Variants in LRBA observed in about 807,000 individuals in gnomAD.
LRBA encodes the protein LPS responsive beige-like anchor protein.
LRBA carries 176 observed loss-of-function variants against 330.0 expected under a neutral mutation model. The ratio of observed to expected loss-of-function variants is 0.53; its 90% CI spans 0.47 to 0.60. The LOEUF is 0.60. LRBA is among the 20% of genes least tolerant of loss of function. LRBA has a pLI of 0.00. For synonymous variants in LRBA, 1,230 were observed against 1,193.0 expected (o/e 1.03, Z -0.64); for missense variants, 3,259 against 3,444.8 (o/e 0.95, Z 1.35).
intron 4 of LRBA, among the ~76,000 whole-genome samples, chr4:150,922,607 G>A (rs1434025357): frequency 6.6e-6 from 1 of 151,824 alleles, no homozygotes; most frequent in Non-Finnish European, 1.5e-5. Flanking sequence ...TGGACTTTGG[G>A]GACTTGGGGT....
At chr4:150,434,172 T>C (rs1333301534) in intron 46 of LRBA, among the ~76,000 whole-genome samples, 2 of 152,176 alleles carry the variant, frequency 1.3e-5, no homozygotes, top group Non-Finnish European at 2.9e-5. Flanking sequence ...ATATATGTCA[T>C]ATTTCTCTAT....
intron 17 of LRBA, among the ~76,000 whole-genome samples, chr4:150,879,326 C>A (rs749302109): frequency 2.0e-5 from 3 of 152,114 alleles, no homozygotes; most frequent in Non-Finnish European, 2.9e-5. Context: ...ATCTCTTCAT[C>A]ATAAAAATCC....
chr4:150,417,436 C>T (rs1344990535), intron 46 of LRBA, among the ~76,000 whole-genome samples: 1 of 152,088 alleles, frequency 6.6e-6, no homozygotes, highest in Non-Finnish European at 1.5e-5. Flanking sequence ...ATTCCCAGGC[C>T]TTGTTTCACA....
At chr4:150,458,134 T>G (rs1256660353) in intron 44 of LRBA, among the ~76,000 whole-genome samples, 1 of 151,888 alleles carries the variant, frequency 6.6e-6, no homozygotes, top group East Asian at 1.9e-4. Context: ...ATTCAAAAAC[T>G]TCTATTAGAA....
Position 150,415,562 on chromosome 4 carries a change from G to T in LRBA, c.7070C>A (p.Pro2357His). The change falls in exon 47 of 57, where the codon CCT becomes CAT. Residue 2357 changes from proline to histidine, a missense_variant. Physicochemically the swap from Pro to His is moderately conservative, Grantham distance 77 (BLOSUM62 -2). Transcript: ENST00000651943. Reference sequence around the variant, plus strand: ...ATTATTGAAGTTGACAAACATCTCAGGGAGATAATAAAATTCAGGGATCAA... The same window carrying T: ...ATTATTGAAGTTGACAAACATCTCATGGAGATAATAAAATTCAGGGATCAA... ...KELIPEFYYLPEMFVNFNNYN... is the reference protein window; with the variant it reads ...KELIPEFYYLHEMFVNFNNYN... 1 of 1,586,960 alleles carries T rather than the reference G, an allele frequency of 6.3e-7. No individual in the cohort carries two copies. The highest frequency in any genetic ancestry group is 8.7e-7 in the Non-Finnish European group (1 of 1,155,826).
chr4:150,720,998 A>G, intron 36 of LRBA: 1 of 522,288 alleles, frequency 1.9e-6, no homozygotes, highest in Non-Finnish European at 3.9e-6. Flanking sequence ...AGAAAGAGGG[A>G]GATGTTAGAG....
chr4:150,729,048 G>A (rs1240400532), intron 36 of LRBA, among the ~76,000 whole-genome samples: 1 of 152,190 alleles, frequency 6.6e-6, no homozygotes, highest in Non-Finnish European at 1.5e-5. Context: ...GGCCAGACAT[G>A]ATGGCTCATG....
At chr4:150,851,395 T>C (rs934175021) in intron 23 of LRBA, among the ~76,000 whole-genome samples, 8 of 152,230 alleles carry the variant, frequency 5.3e-5, no homozygotes, top group African/African-American at 1.9e-4. Flanking sequence ...CACTGTCTCA[T>C]GGGTCACTCT....
chr4:150,833,398 C>A (rs1165670693), intron 28 of LRBA, among the ~76,000 whole-genome samples: 2 of 151,926 alleles, frequency 1.3e-5, no homozygotes, highest in African/African-American at 4.8e-5. Flanking sequence ...AAAATAAGAA[C>A]ATGAAGAACA....
chr4:150,399,537 T>G (rs2151924534), intron 47 of LRBA, among the ~76,000 whole-genome samples: 1 of 152,226 alleles, frequency 6.6e-6, no homozygotes, highest in South Asian at 2.1e-4. Flanking sequence ...GCTCAACATC[T>G]CATGGTGAAA....
At position 150,915,745 on chromosome 4, in the gene LRBA, A is replaced by T. The variant is rs370616945; in HGVS notation, c.895-18T>A. The T allele has an allele frequency of 1.9e-6, 3 of 1,572,004 alleles. No individual in the cohort carries two copies. The highest frequency in any genetic ancestry group is 3.9e-5 in the Admixed American group (2 of 51,918). Reference sequence around the variant, plus strand: ...ATATACCACTGCAGAAGCAAAAAACAGTTAAAAATACAAAGATAACAATTA... The same window carrying T: ...ATATACCACTGCAGAAGCAAAAAACTGTTAAAAATACAAAGATAACAATTA... On this transcript the variant is annotated intron_variant, in intron 7 of 56. Transcript: ENST00000651943.
intron 22 of LRBA, among the ~76,000 whole-genome samples, chr4:150,862,935 C>T (rs1370970461): frequency 6.6e-6 from 1 of 152,024 alleles, no homozygotes; most frequent in African/African-American, 2.4e-5. Flanking sequence ...GCCAAGATTG[C>T]ACCACTGCAT....
chr4:150,887,787 G>A (rs1782369), intron 17 of LRBA, among the ~76,000 whole-genome samples: 60 of 122,562 alleles, frequency 4.9e-4, no homozygotes, highest in Middle Eastern at 4.6e-3. Context: ...AAAAAAAAAA[G>A]AAAGAAAAAA....
At chr4:150,342,460 C>T (rs901273420) in intron 48 of LRBA, among the ~76,000 whole-genome samples, 6 of 152,116 alleles carry the variant, frequency 3.9e-5, no homozygotes, top group African/African-American at 1.2e-4. Flanking sequence ...GAAAGATTAG[C>T]ATATTTGTCC....
chr4:150,351,184 T>C (rs1286592838), intron 47 of LRBA, among the ~76,000 whole-genome samples: 2 of 152,188 alleles, frequency 1.3e-5, no homozygotes, highest in African/African-American at 2.4e-5. Flanking sequence ...ACATAATAGA[T>C]GCCAATAATG....
At chr4:150,704,863 C>A (rs779184031) in intron 36 of LRBA, among the ~76,000 whole-genome samples, 1 of 152,044 alleles carries the variant, frequency 6.6e-6, no homozygotes, top group Non-Finnish European at 1.5e-5. Context: ...GACAAAATTT[C>A]TTTTGCATAA....
intron 40 of LRBA, among the ~76,000 whole-genome samples, chr4:150,507,659 C>T (rs111932183): frequency 0.36 from 55,256 of 151,814 alleles, 11,204 homozygotes; most frequent in Non-Finnish European, 0.47. Flanking sequence ...ATTCAGGACA[C>T]AGGCATGGGC....
chr4:150,740,889 A>T (rs1560754879), intron 35 of LRBA, among the ~76,000 whole-genome samples: 1 of 152,090 alleles, frequency 6.6e-6, no homozygotes, highest in Non-Finnish European at 1.5e-5. Flanking sequence ...TAATAATGAT[A>T]ATGATATTAA....
intron 40 of LRBA, among the ~76,000 whole-genome samples, chr4:150,491,553 T>TAAGG (rs1171366440): frequency 1.3e-5 from 2 of 152,094 alleles, no homozygotes. Context: ...CAACAGTCAC[T>TAAGG]CATTCAGAAA....
Sources: allele counts gnomAD v4.1 joint callset (sites outside exome capture counted in the v4.1 genomes callset), GRCh38; gene constraint gnomAD v4.1.1; transcripts MANE v1.5; gene names NCBI Gene and HGNC (gene_info 2026-07-23, HGNC 2026-07-21).